Variants in DLGAP1 observed in about 807,000 individuals in gnomAD.
DLGAP1 encodes disks large-associated protein 1.
In DLGAP1, 11 loss-of-function variants were observed where a neutral mutation model predicts 90.8. The observed-to-expected ratio is 0.12, with a 90% CI of 0.08 to 0.20. DLGAP1 has a LOEUF of 0.20. Ranked by LOEUF, DLGAP1 falls within the 10% of genes least tolerant of loss-of-function variation. The pLI, the probability that DLGAP1 is intolerant of heterozygous loss-of-function variation, is 1.00. For synonymous variants in DLGAP1, 558 were observed against 540.7 expected, an observed-to-expected ratio of 1.03 and a Z score of -0.44; for missense variants, 1,050 against 1,333.8, an observed-to-expected ratio of 0.79 and a Z score of 3.31.
intron 1 of DLGAP1, among the ~76,000 whole-genome samples, chr18:4,331,322 C>T (rs1403654117): frequency 1.3e-5 from 2 of 151,808 alleles, no homozygotes; most frequent in African/African-American, 2.4e-5. Context: ...CAAGACAGCG[C>T]TCAGGACAGA....
chr18:3,662,040 C>A (rs2059701817), intron 7 of DLGAP1, among the ~76,000 whole-genome samples: 1 of 151,892 alleles, frequency 6.6e-6, no homozygotes, highest in South Asian at 2.1e-4. Flanking sequence ...CCCAAGGAAC[C>A]CACGGATTTT....
chr18:4,030,457 A>G (rs923716038), intron 2 of DLGAP1, among the ~76,000 whole-genome samples: 1 of 152,228 alleles, frequency 6.6e-6, no homozygotes, highest in African/African-American at 2.4e-5. Flanking sequence ...GGAATCCAGG[A>G]ATGGCCAACC....
At chr18:4,424,125 T>G (rs149357171) in intron 1 of DLGAP1, among the ~76,000 whole-genome samples, 2,056 of 152,206 alleles carry the variant, frequency 0.014, 26 homozygotes, top group Non-Finnish European at 0.019. Flanking sequence ...CACTTTAGCC[T>G]GGGCAACAGA....
At chr18:3,551,619 T>TTTTC (rs1403917505) in intron 9 of DLGAP1, among the ~76,000 whole-genome samples, 1 of 117,494 alleles carries the variant, frequency 8.5e-6, no homozygotes, top group Non-Finnish European at 1.7e-5. Context: ...CTTTCTTTCT[T>TTTTC]TTTCTTTCTT....
At chr18:3,661,663 G>A (rs370489383) in intron 7 of DLGAP1, among the ~76,000 whole-genome samples, 4 of 145,196 alleles carry the variant, frequency 2.8e-5, no homozygotes, top group Admixed American at 2.2e-4. Flanking sequence ...TGCAACCTCC[G>A]CCTCCTGGGT....
chr18:4,050,961 A>T (rs1027348244), intron 2 of DLGAP1, among the ~76,000 whole-genome samples: 1 of 152,124 alleles, frequency 6.6e-6, no homozygotes, highest in Non-Finnish European at 1.5e-5. Flanking sequence ...GCCTCATCCT[A>T]TTATCATCTG....
At chr18:4,360,134 G>T (rs1237883499) in intron 1 of DLGAP1, among the ~76,000 whole-genome samples, 1 of 152,114 alleles carries the variant, frequency 6.6e-6, no homozygotes, top group Non-Finnish European at 1.5e-5. Context: ...AATCCACTGG[G>T]CACCATGGAA....
chr18:4,349,995 C>T (rs997103563), intron 1 of DLGAP1, among the ~76,000 whole-genome samples: 2 of 152,086 alleles, frequency 1.3e-5, no homozygotes, highest in Non-Finnish European at 2.9e-5. Context: ...ATAGTTTAAA[C>T]GTGCCATTTT....
At chr18:4,228,974 C>G (rs931292500) in intron 1 of DLGAP1, among the ~76,000 whole-genome samples, 2 of 151,866 alleles carry the variant, frequency 1.3e-5, no homozygotes, top group African/African-American at 4.8e-5. Context: ...ATTTGATAAA[C>G]AAATTCAATA....
At chr18:3,955,584 C>T (rs897863274) in intron 3 of DLGAP1, among the ~76,000 whole-genome samples, 3 of 152,076 alleles carry the variant, frequency 2.0e-5, no homozygotes, top group Admixed American at 6.6e-5. Flanking sequence ...TGTGGTGGTG[C>T]ATGCCTGTAA....
At chr18:4,408,643 GAACAA>G (rs1327772262) in intron 1 of DLGAP1, among the ~76,000 whole-genome samples, 3 of 151,792 alleles carry the variant, frequency 2.0e-5, no homozygotes, top group Admixed American at 6.6e-5. Flanking sequence ...AATTAAGAAT[GAACAA>G]AACAAAATGT....
chr18:3,646,903 C>T (rs1186833462), intron 7 of DLGAP1, among the ~76,000 whole-genome samples: 1 of 151,832 alleles, frequency 6.6e-6, no homozygotes, highest in Non-Finnish European at 1.5e-5. Flanking sequence ...TCAGCCTGGG[C>T]AACAGGGCGA....
intron 2 of DLGAP1, among the ~76,000 whole-genome samples, chr18:4,045,176 C>T (rs1045479351): frequency 6.6e-6 from 1 of 151,990 alleles, no homozygotes; most frequent in Non-Finnish European, 1.5e-5. Flanking sequence ...AACTTAACTG[C>T]CCTGCACTGT....
intron 1 of DLGAP1, among the ~76,000 whole-genome samples, chr18:4,340,603 T>A (rs190502551): frequency 5.3e-5 from 8 of 151,590 alleles, no homozygotes; most frequent in Admixed American, 3.3e-4. Context: ...GCCCAGTAAA[T>A]TGTTGTTATT....
chr18:4,376,155 T>A (rs889792035), intron 1 of DLGAP1, among the ~76,000 whole-genome samples: 1 of 152,178 alleles, frequency 6.6e-6, no homozygotes, highest in Non-Finnish European at 1.5e-5. Context: ...TTGGCATCTA[T>A]AAAGGAATTA....
rs1423185787 is a variant in DLGAP1 at position 3,941,241 on chromosome 18, G to A, written c.-72-61101C>T. 1.3e-5 allele frequency among the ~76,000 whole-genome samples: 2 copies of A among 152,202 alleles called. 1 individual carries two copies. Among genetic ancestry groups the A allele is most frequent in the Admixed American group, 1.3e-4 (2 of 15,282 alleles). ...CCTTTGATTGAATTCAGAATTTGCT[G>A]GTGATCTCTGCCTGGCCAATGGTTT... On this transcript the variant is annotated intron_variant, in intron 3 of 12. Transcript: ENST00000315677.
intron 5 of DLGAP1, among the ~76,000 whole-genome samples, chr18:3,765,504 A>G (rs901398155): frequency 4.6e-5 from 7 of 152,022 alleles, no homozygotes. Context: ...AGATTCTGAT[A>G]AATTATAATA....
At chr18:3,748,127 C>G (rs890935896) in intron 5 of DLGAP1, among the ~76,000 whole-genome samples, 1 of 152,194 alleles carries the variant, frequency 6.6e-6, no homozygotes, top group Non-Finnish European at 1.5e-5. Flanking sequence ...ATTACTTATG[C>G]TAAGTTAACT....
At chr18:4,103,363 A>G (rs1452280060) in intron 2 of DLGAP1, among the ~76,000 whole-genome samples, 4 of 152,138 alleles carry the variant, frequency 2.6e-5, no homozygotes, top group Non-Finnish European at 5.9e-5. Context: ...GTTGTCTTCA[A>G]TAGGTTTTAT....
Sources: gnomAD v4.1 joint callset for allele counts (sites outside exome capture counted in the v4.1 genomes callset) on GRCh38, gnomAD v4.1.1 for gene constraint, MANE v1.5 for transcripts, NCBI Gene and HGNC (gene_info 2026-07-23, HGNC 2026-07-21) for gene names.